The following SPOCK3 variants were observed in gnomAD, a reference collection of about 807,000 sequenced individuals.
SPOCK3 encodes testican-3.
In SPOCK3, 30 loss-of-function variants were observed where a neutral mutation model predicts 56.6. The observed-to-expected ratio is 0.53, with a 90% CI of 0.40 to 0.72. The LOEUF (loss-of-function observed/expected upper bound fraction) is 0.72. SPOCK3 is among the 30% of genes least tolerant of loss of function. SPOCK3 has a pLI of 0.00. For missense variants in SPOCK3, 527 were observed against 530.0 expected (o/e 0.99, Z 0.06); for synonymous variants, 196 against 183.3 (o/e 1.07, Z -0.56).
At chr4:167,074,168 T>C (rs957204429) in intron 2 of SPOCK3, among the ~76,000 whole-genome samples, 7 of 151,936 alleles carry the variant, frequency 4.6e-5, no homozygotes, top group Admixed American at 2.0e-4. Context: ...TCCACTTGAG[T>C]TTGCAGTGGC....
intron 2 of SPOCK3, among the ~76,000 whole-genome samples, chr4:167,148,612 T>C (rs1253513412): frequency 1.3e-5 from 2 of 152,154 alleles, no homozygotes; most frequent in African/African-American, 2.4e-5. Context: ...CTGATATCTC[T>C]CTAAGCTTCC....
intron 3 of SPOCK3, among the ~76,000 whole-genome samples, chr4:167,038,663 C>CAAAA (rs558863795): frequency 2.0e-4 from 22 of 107,940 alleles, no homozygotes; most frequent in African/African-American, 4.7e-4. Context: ...TTATTTTTTC[C>CAAAA]AAAAAAAAAA....
At chr4:166,839,291 G>C (rs1299123961) in intron 6 of SPOCK3, among the ~76,000 whole-genome samples, 1 of 152,040 alleles carries the variant, frequency 6.6e-6, no homozygotes, top group Non-Finnish European at 1.5e-5. Context: ...GAGTGAGAGG[G>C]GAGTTCTTAT....
chr4:166,764,055 T>C (rs1307647489), intron 7 of SPOCK3, among the ~76,000 whole-genome samples: 1 of 152,090 alleles, frequency 6.6e-6, no homozygotes, highest in African/African-American at 2.4e-5. Flanking sequence ...GGGCCCTTGA[T>C]GGCTACCAGT....
chr4:166,913,456 GA>G (rs970856016), intron 4 of SPOCK3, among the ~76,000 whole-genome samples: 4 of 151,746 alleles, frequency 2.6e-5, no homozygotes, highest in Non-Finnish European at 4.4e-5. Flanking sequence ...TTGAAAGTTA[GA>G]AAAAAAATTA....
chr4:167,101,945 G>A (rs568189090), intron 2 of SPOCK3, among the ~76,000 whole-genome samples: 20 of 151,308 alleles, frequency 1.3e-4, no homozygotes, highest in Admixed American at 4.6e-4. Flanking sequence ...TGATCTGCCC[G>A]CCTTGGGCTC....
chr4:167,191,846 C>T (rs1561307312), intron 2 of SPOCK3, among the ~76,000 whole-genome samples: 1 of 145,124 alleles, frequency 6.9e-6, no homozygotes, highest in Non-Finnish European at 1.5e-5. Flanking sequence ...AGTGGTGATC[C>T]TCTCTTGTTC....
At chr4:166,767,840 C>A (rs536144313) in intron 7 of SPOCK3, among the ~76,000 whole-genome samples, 54 of 152,106 alleles carry the variant, frequency 3.6e-4, no homozygotes, top group Admixed American at 1.4e-3. Flanking sequence ...CTTTGTAGAT[C>A]TCTAAGTATT....
chr4:167,227,297 T>C (rs1432041913), intron 2 of SPOCK3, among the ~76,000 whole-genome samples: 2 of 152,256 alleles, frequency 1.3e-5, no homozygotes, highest in Admixed American at 6.5e-5. Flanking sequence ...TCAATACTTA[T>C]AACTTTATAT....
chr4:166,842,833 G>A (rs555864311), intron 6 of SPOCK3, among the ~76,000 whole-genome samples: 13 of 152,318 alleles, frequency 8.5e-5, no homozygotes, highest in Non-Finnish European at 1.3e-4. Flanking sequence ...CCGCACTGCC[G>A]GCCTGCACTC....
At chr4:166,867,631 C>T (rs1342601007) in intron 6 of SPOCK3, among the ~76,000 whole-genome samples, 4 of 110,686 alleles carry the variant, frequency 3.6e-5, no homozygotes, top group Admixed American at 8.5e-5. Flanking sequence ...TAATTAATTA[C>T]AGGTAAATTA....
At chr4:167,075,104 TTTGTTG>T (rs1757053393) in intron 2 of SPOCK3, among the ~76,000 whole-genome samples, 1 of 151,904 alleles carries the variant, frequency 6.6e-6, no homozygotes, top group Non-Finnish European at 1.5e-5. Flanking sequence ...TTCAGTAAAC[TTTGTTG>T]TGTATGCCCG....
chr4:166,959,375 G>A lies in SPOCK3; in HGVS notation c.350+40974C>T, dbSNP rs564520790. ...CATGCCTGTAATCCCAGCACTTTGG[G>A]AGGCCGAGGTAGGTGGATCACGAGA... On this transcript the variant is annotated intron_variant, in intron 4 of 10. Transcript: ENST00000357545. 2.0e-5 allele frequency among the ~76,000 whole-genome samples: 3 copies of A among 152,266 alleles called. No homozygotes were observed. The South Asian group carries it at 6.2e-4, about 32-fold the overall frequency.
intron 2 of SPOCK3, among the ~76,000 whole-genome samples, chr4:167,178,243 A>G (rs1382595816): frequency 6.6e-6 from 1 of 152,118 alleles, no homozygotes; most frequent in Non-Finnish European, 1.5e-5. Context: ...TATTTTTAAA[A>G]CTACTCTGCC....
chr4:166,846,411 A>T (rs748967230), intron 6 of SPOCK3, among the ~76,000 whole-genome samples: 25 of 152,126 alleles, frequency 1.6e-4, no homozygotes, highest in Admixed American at 1.2e-3. Flanking sequence ...AGATTAATAG[A>T]TTATCCTTTT....
At chr4:167,205,024 G>A (rs1304692690) in intron 2 of SPOCK3, among the ~76,000 whole-genome samples, 7 of 142,744 alleles carry the variant, frequency 4.9e-5, no homozygotes, top group Middle Eastern at 3.6e-3. Context: ...TGGTAGAGAA[G>A]GTGTCTTTCT....
At chr4:167,009,393 A>T (rs1158292222) in intron 3 of SPOCK3, among the ~76,000 whole-genome samples, 1 of 152,182 alleles carries the variant, frequency 6.6e-6, no homozygotes, top group Admixed American at 6.5e-5. Flanking sequence ...GTGTATCCAG[A>T]CACTGGTTTA....
chr4:166,931,550 C>A (rs1228323776), intron 4 of SPOCK3, among the ~76,000 whole-genome samples: 1 of 152,126 alleles, frequency 6.6e-6, no homozygotes, highest in Non-Finnish European at 1.5e-5. Flanking sequence ...TCTTAATTTA[C>A]TCTATGCCTA....
At chr4:166,810,687 A>T in intron 6 of SPOCK3, among the ~76,000 whole-genome samples, 1 of 152,166 alleles carries the variant, frequency 6.6e-6, no homozygotes. Flanking sequence ...TTAAAAATAT[A>T]TTCCTAGATT....
Sources: gnomAD v4.1 joint callset for allele counts (sites outside exome capture counted in the v4.1 genomes callset) on GRCh38, gnomAD v4.1.1 for gene constraint, MANE v1.5 for transcripts, NCBI Gene and HGNC (gene_info 2026-07-23, HGNC 2026-07-21) for gene names.